The following XPO1 variants were observed in gnomAD, a reference collection of about 807,000 sequenced individuals.
The protein encoded by XPO1 is exportin-1.
In XPO1, 5 loss-of-function variants were observed where a neutral mutation model predicts 133.3. The ratio of observed to expected loss-of-function variants is 0.04; its 90% confidence interval spans 0.02 to 0.08. XPO1 has a LOEUF of 0.08. Ranked by LOEUF, XPO1 falls within the 10% of genes least tolerant of loss-of-function variation. The pLI is 1.00. For synonymous variants in XPO1, 419 were observed against 408.2 expected (o/e 1.03, Z -0.32); for missense variants, 506 against 1,267.5 (o/e 0.40, Z 9.12).
chr2:61,483,734 C>T, intron 21 of XPO1: 2 of 547,234 alleles, frequency 3.7e-6, no homozygotes, highest in Non-Finnish European at 6.3e-6. Flanking sequence ...AGGCCGCTCT[C>T]CCCATAACTC....
Position 61,478,298 on chromosome 2 carries a change from CAA to C in XPO1, c.*520_*521del, listed in dbSNP as rs1346161185. The C allele has an allele frequency of 2.6e-5, 6 of 233,722 alleles. No homozygotes were observed. Among genetic ancestry groups the C allele is most frequent in the South Asian group, 3.6e-4 (2 of 5,524 alleles). 14.5% of individuals were successfully genotyped at this position (233,722 alleles called of 1,614,324 possible). A position where few individuals can be genotyped will look rare whatever the true frequency, so the allele number is the denominator to read the frequency against. ...GCACATGATCTTGCTGCAATCTTGC[CAA>C]AGAGACTTTGTAATACATGTAGTCT... On this transcript the variant is annotated 3_prime_UTR_variant, in exon 25 of 25. Transcript: ENST00000401558.
At chr2:61,480,332 T>C (rs919519959) in intron 24 of XPO1, 1 of 137,472 alleles carries the variant, frequency 7.3e-6, no homozygotes, top group Admixed American at 8.2e-5. Flanking sequence ...CAGGTTGGAG[T>C]GCAATGACGT....
chr2:61,479,026 T>G, intron 24 of XPO1, 60 bp from the exon 25 acceptor site: 2 of 1,572,640 alleles, frequency 1.3e-6, no homozygotes, highest in Non-Finnish European at 1.7e-6. Flanking sequence ...AAGAAAGAAA[T>G]CATAGATGAG....
chr2:61,532,628 G>A (rs1699206356), intron 2 of XPO1, among the ~76,000 whole-genome samples: 1 of 148,796 alleles, frequency 6.7e-6, no homozygotes, highest in Non-Finnish European at 1.5e-5. Flanking sequence ...ACGAGGTCAG[G>A]AGATGGAGAC....
intron 4 of XPO1, among the ~76,000 whole-genome samples, chr2:61,515,637 A>G (rs912337136): frequency 3.3e-5 from 5 of 152,168 alleles, no homozygotes; most frequent in Non-Finnish European, 5.9e-5. Flanking sequence ...GAGGTCAAAT[A>G]ATGTAGCCAG....
chr2:61,492,100 T>C lies in XPO1; in HGVS notation c.1822A>G (p.Met608Val). The C allele has an allele frequency of 6.2e-7, 1 of 1,614,216 alleles. No individual in the cohort carries two copies. The highest frequency in any genetic ancestry group is 8.5e-7 in the Non-Finnish European group (1 of 1,180,034). The change falls in exon 16 of 25, where the codon ATG (methionine) becomes GTG (valine). Residue 608 changes from methionine (M) to valine (V), a missense_variant. Around this residue, in one of 6 missense-constraint regions of XPO1, gnomAD observed 60 missense variants for 211.0 expected, o/e 0.28. Coordinates refer to ENST00000401558, the MANE Select transcript of XPO1 (RefSeq NM_003400.4). The surrounding 1 kb of genome is among the most constrained non-coding windows in gnomAD (Gnocchi z 5.6). ...HFVQVQVGEV[M>V]PFIDEILNNI... Reference sequence around the variant, plus strand: ...TTCAAAATTTCATCAATAAATGGCATCACTTCTCCAACCTGAACCTGAACG... The same window carrying C: ...TTCAAAATTTCATCAATAAATGGCACCACTTCTCCAACCTGAACCTGAACG...
chr2:61,532,289 G>T (rs979074623), intron 2 of XPO1, among the ~76,000 whole-genome samples: 1 of 151,776 alleles, frequency 6.6e-6, no homozygotes, highest in African/African-American at 2.4e-5. Context: ...CACCACGCCT[G>T]GCTAATTTTT....
chr2:61,518,160 AGAGGATCACTGGAGCCCAG>A (rs1698489520), intron 4 of XPO1, among the ~76,000 whole-genome samples: 1 of 151,692 alleles, frequency 6.6e-6, no homozygotes. Context: ...GCCTGAGGCA[AGAGGATCACTGGAGCCCAG>A]GAGTTCCAGG....
Position 61,488,150 on chromosome 2 carries a change from G to A in XPO1, c.2313+15C>T, listed in dbSNP as rs550642134. ...ATCAACACTAGAAATCAAAAGCAAA[G>A]CATCTCTCACTTACCATCTGTGGAT... is the stretch of plus-strand genomic sequence containing the variant. On this transcript the variant is annotated intron_variant, in intron 19 of 24. Coordinates refer to ENST00000401558, the MANE Select transcript of XPO1 (RefSeq NM_003400.4). The A allele has an allele frequency of 1.8e-5, 29 of 1,605,278 alleles. No individual in the cohort carries two copies. Among genetic ancestry groups the A allele is most frequent in the Admixed American group, 8.3e-5 (5 of 59,910 alleles).
chr2:61,491,668 C>A (rs1209439702), intron 16 of XPO1, among the ~76,000 whole-genome samples: 1 of 152,076 alleles, frequency 6.6e-6, no homozygotes, highest in Non-Finnish European at 1.5e-5. Context: ...CTGAGGCAAG[C>A]GTATCGCTTG....
chr2:61,497,677 AT>A (rs1484199502), intron 9 of XPO1, among the ~76,000 whole-genome samples: 2 of 152,214 alleles, frequency 1.3e-5, no homozygotes, highest in African/African-American at 2.4e-5. Context: ...TCTAAGAGTA[AT>A]AAGAATATGG....
chr2:61,533,318 TTA>T (rs1699239426), intron 2 of XPO1, among the ~76,000 whole-genome samples: 1 of 152,218 alleles, frequency 6.6e-6, no homozygotes, highest in Admixed American at 6.5e-5. Flanking sequence ...AAAATTTGGT[TTA>T]TGTTTAAGAT....
chr2:61,483,859 T>TACCTTCC, intron 21 of XPO1, 78 bp downstream of exon 21: 1 of 1,497,306 alleles, frequency 6.7e-7, no homozygotes, highest in Non-Finnish European at 9.2e-7. Flanking sequence ...GAACAAGTAA[T>TACCTTCC]ACCTTCCTAT....
chr2:61,530,086 A>G (rs189063856), intron 2 of XPO1, among the ~76,000 whole-genome samples: 18 of 152,340 alleles, frequency 1.2e-4, no homozygotes, highest in Admixed American at 3.3e-4. Context: ...CTCCCTGAGA[A>G]TATCTAGCTA....
At chr2:61,495,998 C>A (rs1697222896) in intron 10 of XPO1, among the ~76,000 whole-genome samples, 1 of 152,016 alleles carries the variant, frequency 6.6e-6, no homozygotes, top group Admixed American at 6.6e-5. Flanking sequence ...CCTAATATCC[C>A]AACACCCTTT....
Position 61,533,904 on chromosome 2 carries a change from C to A in XPO1, c.-6-1G>T. The stretch of plus-strand genomic sequence containing the variant: ...TTGTCATAATTGCTGGCATAGATTA[C>A]TGAAAATAAAGAAAAAAAATTGAAG... On this transcript the variant is annotated splice_acceptor_variant, in intron 1 of 24. Coordinates refer to ENST00000401558, the MANE Select transcript of XPO1 (RefSeq NM_003400.4). LOFTEE classifies it low-confidence loss of function (5UTR_SPLICE). 1 of 1,519,952 alleles carries A rather than the reference C, an allele frequency of 6.6e-7. No individual in the cohort carries two copies. The allele number at this position is 1,519,952 out of a possible 1,614,324, so 94.2% of individuals were successfully genotyped here.
In XPO1 at chr2:61,498,859, A is replaced by T. The variant is rs778096383; in HGVS notation, c.639+6T>A. On this transcript the variant is annotated splice_donor_region_variant and intron_variant, in intron 8 of 24. Transcript: ENST00000401558. ...TGTTTTTAAAAATGAAATTAAAAACACTTACCATTACAAACTGACACAGTT... is the reference window on the plus strand; with the variant it reads ...TGTTTTTAAAAATGAAATTAAAAACTCTTACCATTACAAACTGACACAGTT... 6.2e-7 allele frequency: 1 copy of T among 1,605,742 alleles called. No homozygotes were observed. Among genetic ancestry groups the T allele is most frequent in the East Asian group, 2.2e-5 (1 of 44,766 alleles).
At chr2:61,494,804 A>G (rs1003461873) in intron 11 of XPO1, 3 of 148,822 alleles carry the variant, frequency 2.0e-5, no homozygotes, top group African/African-American at 7.4e-5. Flanking sequence ...TTATATATAT[A>G]TATACTTAAG....
chr2:61,523,115 T>A (rs930825285), intron 3 of XPO1, among the ~76,000 whole-genome samples: 1 of 152,234 alleles, frequency 6.6e-6, no homozygotes, highest in Non-Finnish European at 1.5e-5. Context: ...CTAGGAGTTA[T>A]AAGCTTTTGG....
Sources: allele counts gnomAD v4.1 joint callset (sites outside exome capture counted in the v4.1 genomes callset), GRCh38; gene constraint gnomAD v4.1.1; regional missense constraint gnomAD v4.1.1; non-coding constraint Gnocchi (gnomAD v3.1); transcripts MANE v1.5; gene names NCBI Gene and HGNC (gene_info 2026-07-23, HGNC 2026-07-21).